Variants in IL1RL2 observed in about 807,000 individuals in gnomAD.
The protein encoded by IL1RL2 is interleukin-1 receptor-like 2.
In IL1RL2, 68 loss-of-function variants were observed where a neutral mutation model predicts 66.8. That is an observed-to-expected ratio of 1.02 (90% CI 0.84 to 1.25). The LOEUF (loss-of-function observed/expected upper bound fraction) is 1.25. Among genes scored for constraint, IL1RL2 ranks in the 50% most tolerant of loss-of-function variants. The pLI is 0.00. For synonymous variants in IL1RL2, 305 were observed against 264.6 expected, an observed-to-expected ratio of 1.15 and a Z score of -1.48; for missense variants, 729 against 709.3, an observed-to-expected ratio of 1.03 and a Z score of -0.32.
chr2:102,226,134 C>T lies in IL1RL2; in HGVS notation c.1135+93C>T, dbSNP rs34508377. On this transcript the variant is annotated intron_variant, in intron 9 of 11. Transcript: ENST00000264257. ...AAATATACTTTGTCATATTTTACTA[C>T]GTTGTTGGCAAATTTAGGGAAAGGA... The T allele has an allele frequency of 2.6e-3, 2,800 of 1,078,372 alleles. 51 individuals are homozygous for T. The African/African-American group carries it at 0.04, about 15-fold the overall frequency. 66.8% of individuals were successfully genotyped at this position (1,078,372 alleles called of 1,614,324 possible).
chr2:102,230,091 A>G (rs564389347), intron 9 of IL1RL2, among the ~76,000 whole-genome samples: 1 of 152,312 alleles, frequency 6.6e-6, no homozygotes, highest in South Asian at 2.1e-4. Flanking sequence ...AGACCAGGAA[A>G]CACTGTATTT....
At chr2:102,195,598 TTTCTTTCTTTC>T (rs1351211905) in intron 4 of IL1RL2, among the ~76,000 whole-genome samples, 2 of 17,824 alleles carry the variant, frequency 1.1e-4, no homozygotes, top group African/African-American at 3.2e-4. Context: ...TCTTTCTTTC[TTTCTTTCTTTC>T]TTTCTTTCTT....
At chr2:102,224,075 A>G (rs527894742) in intron 8 of IL1RL2, among the ~76,000 whole-genome samples, 3 of 152,338 alleles carry the variant, frequency 2.0e-5, no homozygotes, top group South Asian at 4.1e-4. Flanking sequence ...GGGCCTCAAG[A>G]TGTTTACAAC....
chr2:102,231,522 A>C (rs537605019), intron 9 of IL1RL2, among the ~76,000 whole-genome samples: 2,198 of 151,284 alleles, frequency 0.015, 31 homozygotes, highest in East Asian at 0.077. Context: ...AAAATAAAAT[A>C]AAATAAAATA....
chr2:102,234,574 A>G (rs1674677480), intron 10 of IL1RL2, among the ~76,000 whole-genome samples: 1 of 152,204 alleles, frequency 6.6e-6, no homozygotes, highest in Non-Finnish European at 1.5e-5. Context: ...TGGGCAGATC[A>G]CTTGAGGTCA....
chr2:102,195,627 TTCTCTCTCTCTCTCTCTCTC>T (rs1159940295), intron 4 of IL1RL2, among the ~76,000 whole-genome samples: 8 of 14,636 alleles, frequency 5.5e-4, no homozygotes, highest in Admixed American at 1.3e-3. Context: ...CTTTCTTTCT[TTCTCTCTCTCTCTCTCTCTC>T]TTTCTTTCTT....
intron 6 of IL1RL2, among the ~76,000 whole-genome samples, chr2:102,217,534 C>A (rs1028463549): frequency 6.6e-6 from 1 of 152,004 alleles, no homozygotes; most frequent in Non-Finnish European, 1.5e-5. Context: ...TCAAAATATA[C>A]TAAAAAGCTA....
At chr2:102,200,284 G>C (rs1339614700) in intron 4 of IL1RL2, among the ~76,000 whole-genome samples, 1 of 151,980 alleles carries the variant, frequency 6.6e-6, no homozygotes, top group Non-Finnish European at 1.5e-5. Flanking sequence ...GTATTTATAG[G>C]GAAATAATGT....
At chr2:102,192,167 A>G in intron 4 of IL1RL2, 47 bp downstream of exon 4, 2 of 1,326,008 alleles carry the variant, frequency 1.5e-6, no homozygotes, top group Non-Finnish European at 2.1e-6. Context: ...TTTCTTTAAA[A>G]CCCACTGTTT....
At chr2:102,225,733 C>T (rs923641496) in intron 8 of IL1RL2, among the ~76,000 whole-genome samples, 165 bp from the exon 9 acceptor site, 1 of 152,160 alleles carries the variant, frequency 6.6e-6, no homozygotes, top group Admixed American at 6.5e-5. Flanking sequence ...TGCTCCCATA[C>T]CACTTTTTTG....
At chr2:102,216,644 T>A (rs1014267510) in intron 6 of IL1RL2, among the ~76,000 whole-genome samples, 1 of 152,138 alleles carries the variant, frequency 6.6e-6, no homozygotes, top group Non-Finnish European at 1.5e-5. Context: ...GTTTTGCAGA[T>A]CCTTTGCTTC....
At chr2:102,233,452 T>G (rs1167281325) in intron 10 of IL1RL2, among the ~76,000 whole-genome samples, 4 of 152,214 alleles carry the variant, frequency 2.6e-5, no homozygotes, top group African/African-American at 9.6e-5. Context: ...GACTGAAAGG[T>G]GGCGAGTGGT....
At chr2:102,204,774 C>T (rs542887892) in intron 5 of IL1RL2, among the ~76,000 whole-genome samples, 1 of 151,496 alleles carries the variant, frequency 6.6e-6, no homozygotes, top group South Asian at 2.1e-4. Flanking sequence ...AGTGTGGAAA[C>T]AATCAATGGG....
intron 8 of IL1RL2, among the ~76,000 whole-genome samples, chr2:102,223,061 G>A (rs1690280438): frequency 1.3e-5 from 2 of 152,356 alleles, no homozygotes; most frequent in Non-Finnish European, 2.9e-5. Flanking sequence ...GTTAACACCT[G>A]TCAAGCTTGT....
chr2:102,228,523 T>C (rs1196664239), intron 9 of IL1RL2, among the ~76,000 whole-genome samples: 1 of 152,194 alleles, frequency 6.6e-6, no homozygotes, highest in Non-Finnish European at 1.5e-5. Flanking sequence ...CAAATTCTCC[T>C]GGCAGGGGTG....
intron 2 of IL1RL2, among the ~76,000 whole-genome samples, chr2:102,188,683 A>G (rs1019981644): frequency 1.3e-5 from 2 of 151,824 alleles, no homozygotes; most frequent in African/African-American, 4.8e-5. Flanking sequence ...AATACCTTTT[A>G]CTCAAGACAG....
chr2:102,223,207 T>C (rs1690296011), intron 8 of IL1RL2, among the ~76,000 whole-genome samples: 1 of 152,238 alleles, frequency 6.6e-6, no homozygotes, highest in South Asian at 2.1e-4. Flanking sequence ...CCTGAGTTCC[T>C]AGGAACTTCA....
chr2:102,205,107 T>C (rs1271236336), intron 5 of IL1RL2, among the ~76,000 whole-genome samples: 1 of 152,082 alleles, frequency 6.6e-6, no homozygotes, highest in Non-Finnish European at 1.5e-5. Context: ...TTAATATTGT[T>C]TGCATAAACA....
At chr2:102,196,428 C>G (rs1007301079) in intron 4 of IL1RL2, among the ~76,000 whole-genome samples, 4 of 152,138 alleles carry the variant, frequency 2.6e-5, no homozygotes, top group Non-Finnish European at 4.4e-5. Context: ...TGGAATCACT[C>G]TTTGGGCCTC....
Sources: gnomAD v4.1 joint callset for allele counts (sites outside exome capture counted in the v4.1 genomes callset) on GRCh38, gnomAD v4.1.1 for gene constraint, MANE v1.5 for transcripts, NCBI Gene and HGNC (gene_info 2026-07-23, HGNC 2026-07-21) for gene names.